ANKRD11: variants seen among roughly 807,000 people sequenced by gnomAD.
ANKRD11 encodes the protein ankyrin repeat domain 11, also known as ankyrin repeat domain-containing protein 11.
In ANKRD11, 17 loss-of-function variants were observed where a neutral mutation model predicts 195.7. That is an observed-to-expected ratio of 0.09 (90% CI 0.06 to 0.13). The LOEUF is 0.13. Ranked by LOEUF, ANKRD11 falls within the 10% of genes least tolerant of loss-of-function variation. The pLI is 1.00. For synonymous variants in ANKRD11, 1,953 were observed against 1,528.1 expected (o/e 1.28, Z -6.49); for missense variants, 3,735 against 3,566.1 (o/e 1.05, Z -1.21).
chr16:89,346,944 C>G (rs1302149153), intron 2 of ANKRD11, among the ~76,000 whole-genome samples: 2 of 152,174 alleles, frequency 1.3e-5, no homozygotes, highest in Non-Finnish European at 1.5e-5. Flanking sequence ...ACAAGCTACA[C>G]GACACAATAG....
Position 89,283,089 on chromosome 16 carries a change from C to T in ANKRD11, c.3453G>A (p.Glu1151=). The change falls in exon 9 of 13, where the codon GAG becomes GAA. Residue 1151 remains glutamate, a synonymous_variant. Transcript: ENST00000301030. The surrounding 1 kb of genome is among the most constrained non-coding windows in gnomAD (Gnocchi z 4.3). The part of the protein sequence containing the change: ...SDLPRTDGLQ[E]KEEGREAYAS... ...CATAGGCCTCCCGTCCTTCCTCCTT[C>T]TCCTGGAGGCCGTCCGTCCTCGGCA... 6.2e-7 allele frequency: 1 copy of T among 1,614,028 alleles called. No individual in the cohort carries two copies.
At chr16:89,380,095 C>T (rs1334998568) in intron 2 of ANKRD11, among the ~76,000 whole-genome samples, 1 of 152,188 alleles carries the variant, frequency 6.6e-6, no homozygotes, top group African/African-American at 2.4e-5. Context: ...TCTGGTACCC[C>T]AGTTGCAAAA....
Position 89,279,978 on chromosome 16 carries a change from C to T in ANKRD11, c.6564G>A (p.Pro2188=), listed in dbSNP as rs1350988348. ...TGGAGGCCTGGTCAGGAGGCAGTGC[C>T]GGCGGCTCCTCAGCCACTACGGTGG... ...DVSTVVAEEP[P]ALPPDQASTR... is the part of the protein sequence containing the mutation. Residue 2188 remains proline, a synonymous_variant, in exon 9 of 13, where the codon CCG becomes CCA. Coordinates refer to ENST00000301030, the MANE Select transcript of ANKRD11 (RefSeq NM_013275.6). This position sits in a 1 kb window ranked among gnomAD's most constrained non-coding sequence, Gnocchi z 5.6. The T allele has an allele frequency of 1.2e-6, 2 of 1,610,904 alleles. No individual in the cohort carries two copies. The highest frequency in any genetic ancestry group is 1.7e-6 in the Non-Finnish European group (2 of 1,179,878).
At chr16:89,467,054 T>G (rs2056910189) in intron 1 of ANKRD11, among the ~76,000 whole-genome samples, 1 of 152,178 alleles carries the variant, frequency 6.6e-6, no homozygotes, top group African/African-American at 2.4e-5. Flanking sequence ...TTCCAATGGT[T>G]GCAGGAACTC....
Position 89,288,761 on chromosome 16 carries a change from C to G in ANKRD11, c.602-91G>C. 4 of 1,590,064 alleles carry G rather than the reference C, an allele frequency of 2.5e-6. No individual in the cohort carries two copies. The South Asian group carries it at 4.5e-5, about 18-fold the overall frequency. On this transcript the variant is annotated intron_variant, in intron 6 of 12. Coordinates refer to ENST00000301030, the MANE Select transcript of ANKRD11 (RefSeq NM_013275.6). Reference sequence around the variant, plus strand: ...AGCGCCCTGAGGATGTGCTACAGTGCGGGGACAAGCCAGGTGGGGAGCTGC... The same window carrying G: ...AGCGCCCTGAGGATGTGCTACAGTGGGGGGACAAGCCAGGTGGGGAGCTGC...
chr16:89,386,496 A>G (rs752430061), intron 2 of ANKRD11, among the ~76,000 whole-genome samples: 3 of 152,186 alleles, frequency 2.0e-5, no homozygotes, highest in Non-Finnish European at 4.4e-5. Flanking sequence ...AACCCGGCAC[A>G]CAGCATGAGG....
intron 1 of ANKRD11, among the ~76,000 whole-genome samples, chr16:89,476,290 T>C (rs2057255040): frequency 1.3e-5 from 2 of 152,280 alleles, no homozygotes; most frequent in South Asian, 4.1e-4. Context: ...GTCACAGCCT[T>C]AATAACCCAC....
At chr16:89,289,722 G>C (rs548799198) in intron 6 of ANKRD11, among the ~76,000 whole-genome samples, 14 of 152,226 alleles carry the variant, frequency 9.2e-5, no homozygotes, top group Non-Finnish European at 2.1e-4. Flanking sequence ...GAACACAGCA[G>C]AGTAAAATTT....
At chr16:89,465,989 C>T (rs554844181) in intron 1 of ANKRD11, among the ~76,000 whole-genome samples, 5 of 152,216 alleles carry the variant, frequency 3.3e-5, no homozygotes, top group Admixed American at 1.3e-4. Flanking sequence ...GAATTACAGG[C>T]GTGAGCCACC....
At chr16:89,319,082 A>G (rs542858286) in intron 2 of ANKRD11, among the ~76,000 whole-genome samples, 1 of 152,358 alleles carries the variant, frequency 6.6e-6, no homozygotes, top group Admixed American at 6.5e-5. Context: ...TGGAATTAAC[A>G]TTTTAAAAAA....
chr16:89,317,072 C>T lies in ANKRD11; in HGVS notation c.-53G>A, dbSNP rs552382682. 29 of 1,561,794 alleles carry T rather than the reference C, an allele frequency of 1.9e-5. No homozygotes were observed. The highest frequency in any genetic ancestry group is 1.7e-4 in the Middle Eastern group (1 of 6,030). On this transcript the variant is annotated 5_prime_UTR_variant, in exon 3 of 13. Coordinates refer to ENST00000301030, the MANE Select transcript of ANKRD11 (RefSeq NM_013275.6). ...TACACGGCCGGCGCTTCATCATCAA[C>T]CGTCTGCTTCAAAAGAGAAGACACA...
At chr16:89,328,393 G>C (rs1024061308) in intron 2 of ANKRD11, among the ~76,000 whole-genome samples, 1 of 152,208 alleles carries the variant, frequency 6.6e-6, no homozygotes, top group Non-Finnish European at 1.5e-5. Flanking sequence ...ACCTGTTTGC[G>C]AATGTTCACA....
Position 89,284,657 on chromosome 16 carries a change from C to A in ANKRD11, c.1885G>T (p.Val629Phe), listed in dbSNP as rs1213914709. 6.2e-7 allele frequency: 1 copy of A among 1,614,018 alleles called. No homozygotes were observed. Among genetic ancestry groups the A allele is most frequent in the Non-Finnish European group, 8.5e-7 (1 of 1,180,030 alleles). ...TTGTGTTTTGTTTTATGTTTTTTGA[C>A]AACTTTCCCCTCCTTGTCCAGTTTG... is the stretch of plus-strand genomic sequence containing the variant. ...VPKLDKEGKVVKKHKTKHKHK... is the reference protein window; with the variant it reads ...VPKLDKEGKVFKKHKTKHKHK... The change falls in exon 9 of 13, where the codon GTC (valine) becomes TTC (phenylalanine). Residue 629 changes from valine (V) to phenylalanine (F), a missense_variant. Physicochemically the swap from Val to Phe is conservative, Grantham distance 50 (BLOSUM62 -1). Transcript: ENST00000301030.
intron 2 of ANKRD11, among the ~76,000 whole-genome samples, chr16:89,363,860 A>G (rs1401658726): frequency 2.0e-5 from 3 of 152,108 alleles, no homozygotes; most frequent in Admixed American, 6.6e-5. Flanking sequence ...GTTCGAGACC[A>G]GCCTGGCCAT....
chr16:89,432,972 CTCTCT>C (rs2043054545), intron 1 of ANKRD11, among the ~76,000 whole-genome samples: 1 of 148,966 alleles, frequency 6.7e-6, no homozygotes, highest in African/African-American at 2.6e-5. Context: ...CTCTCTCTCT[CTCTCT>C]CTCTCTCTCT....
intron 4 of ANKRD11, among the ~76,000 whole-genome samples, chr16:89,294,393 C>G (rs938075524): frequency 6.6e-6 from 1 of 152,112 alleles, no homozygotes; most frequent in Non-Finnish European, 1.5e-5. Context: ...TGTCCTGACA[C>G]CAAAAAAGTC....
At chr16:89,364,403 A>T (rs1327784724) in intron 2 of ANKRD11, among the ~76,000 whole-genome samples, 1 of 152,234 alleles carries the variant, frequency 6.6e-6, no homozygotes, top group Non-Finnish European at 1.5e-5. Flanking sequence ...AGGTAACTGA[A>T]ACACATCCTA....
intron 2 of ANKRD11, among the ~76,000 whole-genome samples, chr16:89,361,855 C>T (rs80326891): frequency 0.032 from 4,916 of 152,182 alleles, 286 homozygotes; most frequent in African/African-American, 0.11. Context: ...AAAAAAAATC[C>T]GCACTCTAGA....
chr16:89,307,904 G>C (rs1318157915), intron 3 of ANKRD11, among the ~76,000 whole-genome samples: 1 of 152,244 alleles, frequency 6.6e-6, no homozygotes, highest in African/African-American at 2.4e-5. Context: ...AGAACCTGAT[G>C]AGGGAAAGTT....
Sources: allele counts gnomAD v4.1 joint callset (sites outside exome capture counted in the v4.1 genomes callset), GRCh38; gene constraint gnomAD v4.1.1; non-coding constraint Gnocchi (gnomAD v3.1); transcripts MANE v1.5; gene names NCBI Gene and HGNC (gene_info 2026-07-23, HGNC 2026-07-21).